The following ZFX variants were observed in gnomAD, a reference collection of about 807,000 sequenced individuals.
ZFX encodes zinc finger X-chromosomal protein.
For missense variants in ZFX, 362 were observed against 628.3 expected, an observed-to-expected ratio of 0.58 and a Z score of 4.53; for synonymous variants, 196 against 226.8, an observed-to-expected ratio of 0.86 and a Z score of 1.22.
At chrX:24,174,072 G>T (rs1307789574) in intron 4 of ZFX, among the ~76,000 whole-genome samples, 1 of 109,977 alleles carries the variant, frequency 9.1e-6, no homozygotes, top group Admixed American at 9.7e-5. Context: ...AATTATCTGG[G>T]TGTGGTGGTG....
Position 24,184,745 on chromosome X carries a change from T to C in ZFX, c.646+4975T>C, listed in dbSNP as rs191572532. On this transcript the variant is annotated intron_variant, in intron 5 of 9. Coordinates refer to ENST00000304543, the MANE Select transcript of ZFX (RefSeq NM_003410.4). ...TATATATTTTAATATATGTTTTATG[T>C]ATGTGTATATATTTTGATAATATAA... Among the ~76,000 whole-genome samples, 732 of 111,659 alleles carry C rather than the reference T, an allele frequency of 6.6e-3. 14 individuals carry two copies. Among genetic ancestry groups the C allele is most frequent in the Admixed American group, 0.05 (520 of 10,459 alleles).
intron 3 of ZFX, among the ~76,000 whole-genome samples, chrX:24,163,840 GAA>G (rs746749182): frequency 0.025 from 1,118 of 45,016 alleles, 14 homozygotes; most frequent in Non-Finnish European, 0.04. Context: ...TTAAAAAAAA[GAA>G]AAAAAAAAAA....
intron 4 of ZFX, among the ~76,000 whole-genome samples, chrX:24,173,072 C>T (rs951893484): frequency 2.7e-5 from 3 of 111,624 alleles, no homozygotes; most frequent in African/African-American, 9.8e-5. Flanking sequence ...AGTTATGTCC[C>T]TAATTCCTGT....
chrX:24,161,144 AC>A (rs747313625), intron 3 of ZFX, among the ~76,000 whole-genome samples: 60 of 112,254 alleles, frequency 5.3e-4, no homozygotes, highest in Admixed American at 1.9e-3. Flanking sequence ...AGGTCAAAAA[AC>A]ATCTGATACC....
At position 24,161,403 on chromosome X, in the gene ZFX, A is replaced by G. The variant is rs139307486; in HGVS notation, c.-29+8573A>G. ...TTTCTTTTGGATAGGCTAGTTCTCA[A>G]ATTTACATGGAAAGGCACAGGGCCA... On this transcript the variant is annotated intron_variant, in intron 3 of 9. Coordinates refer to ENST00000304543, the MANE Select transcript of ZFX (RefSeq NM_003410.4). Among the ~76,000 whole-genome samples the G allele has an allele frequency of 2.0e-3, 224 of 112,058 alleles. 1 individual carries two copies. The East Asian group carries it at 0.042, about 21-fold the overall frequency.
At chrX:24,198,890 C>T (rs1471208052) in intron 5 of ZFX, among the ~76,000 whole-genome samples, 1 of 111,364 alleles carries the variant, frequency 9.0e-6, no homozygotes, top group African/African-American at 3.3e-5. Flanking sequence ...GGAGACAGGT[C>T]TAGAGTGGAG....
chrX:24,193,076 A>G (rs1363057229), intron 5 of ZFX, among the ~76,000 whole-genome samples: 2 of 110,923 alleles, frequency 1.8e-5, no homozygotes, highest in Admixed American at 1.9e-4. Flanking sequence ...ACACTAGTAT[A>G]TTGGTTTAAA....
In ZFX at chrX:24,193,529, T is replaced by C. The variant is rs1226814709; in HGVS notation, c.646+13759T>C. Among the ~76,000 whole-genome samples the C allele has an allele frequency of 3.6e-5, 4 of 111,820 alleles. No homozygotes were observed. The South Asian group carries it at 1.5e-3, about 42-fold the overall frequency. On this transcript the variant is annotated intron_variant, in intron 5 of 9. Coordinates refer to ENST00000304543, the MANE Select transcript of ZFX (RefSeq NM_003410.4). ...TGCACCACAGTGAATGTACTAAAAATCACTTAATTGTACACTTTAAAATGG... is the reference window on the plus strand; with the variant it reads ...TGCACCACAGTGAATGTACTAAAAACCACTTAATTGTACACTTTAAAATGG...
At chrX:24,168,189 T>C (rs1934192505) in intron 3 of ZFX, among the ~76,000 whole-genome samples, 1 of 112,492 alleles carries the variant, frequency 8.9e-6, no homozygotes, top group Admixed American at 9.4e-5. Flanking sequence ...CAAATTGTTA[T>C]AGACACATTT....
Position 24,179,500 on chromosome X carries a change from T to A in ZFX, c.376T>A (p.Ser126Thr), listed in dbSNP as rs1255273833. The A allele has an allele frequency of 8.3e-7, 1 of 1,211,061 alleles. No individual in the cohort carries two copies. Among genetic ancestry groups the A allele is most frequent in the Non-Finnish European group, 1.1e-6 (1 of 895,524 alleles). The change falls in exon 5 of 10, where the codon TCA becomes ACA. Residue 126 changes from serine to threonine, a missense_variant. Transcript: ENST00000304543. Reference sequence around the variant, plus strand: ...TTTAGCTTCTGACATTACTTCAGCCTCAATGTCTATGCCAGAACACGTCTT... The same window carrying A: ...TTTAGCTTCTGACATTACTTCAGCCACAATGTCTATGCCAGAACACGTCTT... ...DVLASDITSASMSMPEHVLTG... is the reference protein window; with the variant it reads ...DVLASDITSATMSMPEHVLTG...
In ZFX at chrX:24,169,607, AAAG is replaced by A. The variant is rs200748113; in HGVS notation, c.-28-3106_-28-3104del. Among the ~76,000 whole-genome samples, 776 of 108,492 alleles carry A rather than the reference AAAG, an allele frequency of 7.2e-3. 6 individuals carry two copies. The highest frequency in any genetic ancestry group is 0.025 in the African/African-American group (741 of 29,632). 94.2% of individuals were successfully genotyped at this position (108,492 alleles called of 115,157 possible). A position where few individuals can be genotyped will look rare whatever the true frequency, so the allele number is the denominator to read the frequency against. ...TAACTAGGAATTAAAAAAAAAAAAAAAAGATTCTTGAGAAGTTGAGAATTGACA... is the reference window on the plus strand; with the variant it reads ...TAACTAGGAATTAAAAAAAAAAAAAAATTCTTGAGAAGTTGAGAATTGACA... On this transcript the variant is annotated intron_variant, in intron 3 of 9. Transcript: ENST00000304543.
chrX:24,175,886 G>A (rs1935084178), intron 4 of ZFX, among the ~76,000 whole-genome samples: 2 of 108,990 alleles, frequency 1.8e-5, no homozygotes, highest in South Asian at 4.0e-4. Flanking sequence ...GCTGATTTAC[G>A]TTTTATAACC....
chrX:24,181,968 TA>T (rs1935724667), intron 5 of ZFX, among the ~76,000 whole-genome samples: 1 of 111,083 alleles, frequency 9.0e-6, no homozygotes, highest in South Asian at 3.8e-4. Flanking sequence ...TTAATAATAG[TA>T]AAGGGGACAG....
upstream of ZFX, chrX:24,149,170 G>A (rs1181721005): frequency 3.6e-5 from 4 of 109,831 alleles, no homozygotes; most frequent in Admixed American, 3.8e-4. Context: ...CGGGGATGAA[G>A]AAAACACATT....
intron 3 of ZFX, among the ~76,000 whole-genome samples, chrX:24,171,721 G>A (rs1313525429): frequency 9.0e-6 from 1 of 111,434 alleles, no homozygotes; most frequent in African/African-American, 3.3e-5. Context: ...CCATTGGAAT[G>A]TCTTACAAGA....
chrX:24,192,757 A>G (rs1402400201), intron 5 of ZFX, among the ~76,000 whole-genome samples: 1 of 110,327 alleles, frequency 9.1e-6, no homozygotes, highest in African/African-American at 3.3e-5. Context: ...AATTAAAAAA[A>G]GAAAATAGCT....
intron 3 of ZFX, among the ~76,000 whole-genome samples, chrX:24,171,837 G>A (rs1257755639): frequency 2.7e-5 from 3 of 109,604 alleles, no homozygotes; most frequent in Non-Finnish European, 5.7e-5. Context: ...GGCACTCACA[G>A]TCTAAGCCAG....
At chrX:24,179,901 T>A in intron 5 of ZFX, 131 bp downstream of exon 5, 1 of 620,145 alleles carries the variant, frequency 1.6e-6, no homozygotes, top group Non-Finnish European at 2.4e-6. Context: ...TGCATTGTTG[T>A]TTCCATTTGC....
intron 4 of ZFX, among the ~76,000 whole-genome samples, chrX:24,178,376 C>T (rs1337635748): frequency 1.9e-5 from 2 of 104,411 alleles, no homozygotes; most frequent in Non-Finnish European, 3.9e-5. Flanking sequence ...GCAAGCTCTG[C>T]CTCCCGGGTT....
Sources: gnomAD v4.1 joint callset for allele counts (sites outside exome capture counted in the v4.1 genomes callset) on GRCh38, gnomAD v4.1.1 for gene constraint, MANE v1.5 for transcripts, NCBI Gene and HGNC (gene_info 2026-07-23, HGNC 2026-07-21) for gene names.